The following ARHGAP24 variants were observed in gnomAD, a reference collection of about 807,000 sequenced individuals.
ARHGAP24 encodes rho GTPase-activating protein 24.
ARHGAP24 carries 50 observed loss-of-function variants against 76.4 expected under a neutral mutation model. That is an observed-to-expected ratio of 0.65 (90% CI 0.52 to 0.83). ARHGAP24 has a LOEUF of 0.83. ARHGAP24 is among the 40% of genes least tolerant of loss of function. ARHGAP24 has a pLI of 0.00. For missense variants in ARHGAP24, 930 were observed against 914.2 expected (o/e 1.02, Z -0.22); for synonymous variants, 345 against 323.3 (o/e 1.07, Z -0.72).
At chr4:85,683,123 G>GA (rs1374801364) in intron 2 of ARHGAP24, among the ~76,000 whole-genome samples, 1 of 112,568 alleles carries the variant, frequency 8.9e-6, no homozygotes, top group East Asian at 4.0e-4. Context: ...GGGGTGGGGG[G>GA]GGGGTGCGGG....
intron 3 of ARHGAP24, among the ~76,000 whole-genome samples, chr4:85,830,033 A>C (rs777491146): frequency 6.6e-6 from 1 of 152,252 alleles, no homozygotes; most frequent in Non-Finnish European, 1.5e-5. Context: ...CTTCTATGCA[A>C]TTAAGTTCTC....
intron 8 of ARHGAP24, among the ~76,000 whole-genome samples, chr4:85,980,474 C>A (rs932216048): frequency 6.6e-6 from 1 of 152,202 alleles, no homozygotes; most frequent in African/African-American, 2.4e-5. Flanking sequence ...ACTCGTCACA[C>A]ACACAGTAGT....
chr4:85,725,488 A>G (rs1161584684), intron 3 of ARHGAP24, among the ~76,000 whole-genome samples: 1 of 152,156 alleles, frequency 6.6e-6, no homozygotes, highest in Non-Finnish European at 1.5e-5. Flanking sequence ...TTCCTTTCCT[A>G]CTTTTCTGCC....
rs117097538 is a variant in ARHGAP24, at chr4:85,734,015, C to A, written c.268+12043C>A. ...AACTTTCCCTCATGTTTCTGACTGA[C>A]TGTTTGAGCTCCACCCTACTCCTCA... On this transcript the variant is annotated intron_variant, in intron 3 of 9. Transcript: ENST00000395184. Among the ~76,000 whole-genome samples, 74 of 152,284 alleles carry A rather than the reference C, an allele frequency of 4.9e-4. No homozygotes were observed. The East Asian group carries it at 0.013, about 27-fold the overall frequency.
At chr4:85,808,438 T>G (rs36104548) in intron 3 of ARHGAP24, among the ~76,000 whole-genome samples, 13,460 of 152,268 alleles carry the variant, frequency 0.088, 707 homozygotes, top group Middle Eastern at 0.21. Context: ...CTTTTCAATA[T>G]TCCTTCACTT....
At chr4:85,566,968 G>A (rs1040347608) in intron 1 of ARHGAP24, among the ~76,000 whole-genome samples, 2 of 152,162 alleles carry the variant, frequency 1.3e-5, no homozygotes, top group Non-Finnish European at 2.9e-5. Context: ...AAGGAGCTTG[G>A]CTGTTTCCAG....
chr4:85,791,313 G>T (rs575016099), intron 3 of ARHGAP24, among the ~76,000 whole-genome samples: 125 of 152,224 alleles, frequency 8.2e-4, no homozygotes, highest in African/African-American at 2.9e-3. Context: ...AACATATTCA[G>T]ATTGAGCAAG....
intron 3 of ARHGAP24, among the ~76,000 whole-genome samples, chr4:85,882,421 A>G (rs981451524): frequency 6.6e-6 from 1 of 152,108 alleles, no homozygotes; most frequent in Non-Finnish European, 1.5e-5. Context: ...GAAAAAGTTC[A>G]TTCTAGAACC....
At chr4:85,943,770 C>T (rs1004458423) in intron 5 of ARHGAP24, among the ~76,000 whole-genome samples, 6 of 151,520 alleles carry the variant, frequency 4.0e-5, no homozygotes, top group African/African-American at 1.2e-4. Flanking sequence ...TCATCCATGT[C>T]GCTGCAAAGG....
At chr4:85,772,948 G>T (rs1240801251) in intron 3 of ARHGAP24, among the ~76,000 whole-genome samples, 2 of 152,196 alleles carry the variant, frequency 1.3e-5, no homozygotes, top group African/African-American at 4.8e-5. Flanking sequence ...CTCATAGACA[G>T]ATGAATGTGA....
At chr4:85,778,679 C>G in intron 3 of ARHGAP24, 1 of 984,442 alleles carries the variant, frequency 1.0e-6, no homozygotes, top group Non-Finnish European at 1.2e-6. Flanking sequence ...TTTTTTTTCC[C>G]CTCTCTGTCT....
At position 85,960,390 on chromosome 4, in the gene ARHGAP24, G is replaced by A. The variant is rs189386403; in HGVS notation, c.600-11646G>A. ...TTGAGATAAATGTCTGTGATATCAT[G>A]GGAACACACATTTACATACCCAAGA... On this transcript the variant is annotated intron_variant, in intron 5 of 9. Coordinates refer to ENST00000395184, the MANE Select transcript of ARHGAP24 (RefSeq NM_001025616.3). Among the ~76,000 whole-genome samples, 789 of 152,178 alleles carry A rather than the reference G, an allele frequency of 5.2e-3. 5 individuals carry two copies. The highest frequency in any genetic ancestry group is 7.9e-3 in the Non-Finnish European group (534 of 67,986).
intron 5 of ARHGAP24, among the ~76,000 whole-genome samples, chr4:85,971,670 T>C (rs1738995021): frequency 3.9e-5 from 6 of 152,202 alleles, no homozygotes; most frequent in Admixed American, 3.9e-4. Context: ...AAATTATTGT[T>C]GACTGTAGTC....
At chr4:85,522,809 G>T (rs887174750) in intron 1 of ARHGAP24, among the ~76,000 whole-genome samples, 4 of 152,078 alleles carry the variant, frequency 2.6e-5, no homozygotes, top group Admixed American at 6.5e-5. Flanking sequence ...CAGTTTATCC[G>T]CATGATGTAA....
At position 85,714,708 on chromosome 4, in the gene ARHGAP24, A is replaced by G. The variant is rs182882189; in HGVS notation, c.181-7177A>G. Among the ~76,000 whole-genome samples the G allele has an allele frequency of 3.4e-3, 517 of 152,228 alleles. 1 individual carries two copies. Among genetic ancestry groups the G allele is most frequent in the African/African-American group, 0.012 (501 of 41,546 alleles). ...GCTTAGGTCAGTGTTCTCCCAAAAAATTATGCATCAGAATTACTAGGGTAG... is the reference window on the plus strand; with the variant it reads ...GCTTAGGTCAGTGTTCTCCCAAAAAGTTATGCATCAGAATTACTAGGGTAG... On this transcript the variant is annotated intron_variant, in intron 2 of 9. Coordinates refer to ENST00000395184, the MANE Select transcript of ARHGAP24 (RefSeq NM_001025616.3).
At chr4:85,655,804 GAGAGAGAGAGAGAA>G (rs1324368005) in intron 2 of ARHGAP24, among the ~76,000 whole-genome samples, 1,446 of 71,100 alleles carry the variant, frequency 0.02, 57 homozygotes, top group African/African-American at 0.048. Flanking sequence ...GAGAGAGAGA[GAGAGAGAGAGAGAA>G]AGAGAGAGAG....
intron 3 of ARHGAP24, among the ~76,000 whole-genome samples, chr4:85,755,326 C>G (rs1204364500): frequency 6.6e-6 from 1 of 152,054 alleles, no homozygotes; most frequent in African/African-American, 2.4e-5. Flanking sequence ...CATTCCTTAT[C>G]TCAGTGAAAT....
chr4:85,539,079 A>T (rs567072498), intron 1 of ARHGAP24, among the ~76,000 whole-genome samples: 4 of 152,320 alleles, frequency 2.6e-5, no homozygotes, highest in Admixed American at 1.3e-4. Flanking sequence ...GTTTTTTTAC[A>T]CAATGAGAAA....
In ARHGAP24 at chr4:85,538,711, G is replaced by T. The variant is rs568234730; in HGVS notation, c.-20-31811G>T. ...GTAAGTATTTGATTTTATGTTTGAG[G>T]GTATAGTTACCATGACATAACAAAG... On this transcript the variant is annotated intron_variant, in intron 1 of 9. Coordinates refer to ENST00000395184, the MANE Select transcript of ARHGAP24 (RefSeq NM_001025616.3). 2.6e-5 allele frequency among the ~76,000 whole-genome samples: 4 copies of T among 152,132 alleles called. No homozygotes were observed. In the South Asian group the frequency reaches 8.3e-4, roughly 32 times the overall value.
Sources: allele counts gnomAD v4.1 joint callset (sites outside exome capture counted in the v4.1 genomes callset), GRCh38; gene constraint gnomAD v4.1.1; transcripts MANE v1.5; gene names NCBI Gene and HGNC (gene_info 2026-07-23, HGNC 2026-07-21).